Variants in KIRREL3 observed in about 807,000 individuals in gnomAD.
KIRREL3 encodes the protein kirre like nephrin family adhesion molecule 3.
KIRREL3 carries 36 observed loss-of-function variants against 89.7 expected under a neutral mutation model. That is an observed-to-expected ratio of 0.40 (90% confidence interval 0.31 to 0.53). The LOEUF is 0.53. Ranked by LOEUF, KIRREL3 falls within the 20% of genes least tolerant of loss-of-function variation. The probability of loss-of-function intolerance (pLI) is 0.49; values close to 1 mark genes in which losing one functional copy is unlikely to be tolerated. For synonymous variants in KIRREL3, 445 were observed against 441.4 expected (o/e 1.01, Z -0.10); for missense variants, 864 against 1,056.6 (o/e 0.82, Z 2.53).
chr11:126,573,323 C>T (rs1001392553), intron 1 of KIRREL3, among the ~76,000 whole-genome samples: 4 of 152,206 alleles, frequency 2.6e-5, no homozygotes, highest in Admixed American at 6.5e-5. Context: ...CTCCCTCACA[C>T]GTTTCCGCAG....
At position 126,485,910 on chromosome 11, in the gene KIRREL3, G is replaced by A. The variant is rs1957347417; in HGVS notation, c.434-12444C>T. ...TAGGCAGGAGACCCCAAGGGAGGGA[G>A]GGCTAGTCCAGTGGGCCAGGGAAAG... On this transcript the variant is annotated intron_variant, in intron 4 of 16. Transcript: ENST00000525144. The surrounding 1 kb of genome is among the most constrained non-coding windows in gnomAD (Gnocchi z 5.8). 6.6e-6 allele frequency among the ~76,000 whole-genome samples: 1 copy of A among 152,236 alleles called. No homozygotes were observed. The highest frequency in any genetic ancestry group is 6.5e-5 in the Admixed American group (1 of 15,288).
intron 1 of KIRREL3, among the ~76,000 whole-genome samples, chr11:126,937,655 C>T (rs996704913): frequency 1.3e-5 from 2 of 151,766 alleles, no homozygotes; most frequent in African/African-American, 4.8e-5. Flanking sequence ...AATCCCAGCA[C>T]TTTGGAGGCC....
At position 126,953,388 on chromosome 11, in the gene KIRREL3, G is replaced by T. The variant is rs189075378; in HGVS notation, c.55+47067C>A. ...AGGAGAAATACCTAACGTAGATGAG[G>T]AGTCGATGGGTGCAGCAAACCATCA... On this transcript the variant is annotated intron_variant, in intron 1 of 16. Coordinates refer to ENST00000525144, the MANE Select transcript of KIRREL3 (RefSeq NM_032531.4). This position sits in a 1 kb window ranked among gnomAD's most constrained non-coding sequence, Gnocchi z 5.2. Among the ~76,000 whole-genome samples the T allele has an allele frequency of 9.2e-5, 14 of 152,210 alleles. No homozygotes were observed. The highest frequency in any genetic ancestry group is 1.8e-4 in the Non-Finnish European group (12 of 68,018).
At chr11:126,692,146 T>C (rs1158057541) in intron 1 of KIRREL3, among the ~76,000 whole-genome samples, 3 of 152,208 alleles carry the variant, frequency 2.0e-5, no homozygotes, top group Non-Finnish European at 4.4e-5. Flanking sequence ...GACCACCATC[T>C]GATGCAGCAG....
At position 126,808,541 on chromosome 11, in the gene KIRREL3, A is replaced by G. The variant is rs1166625336; in HGVS notation, c.55+191914T>C. 6.6e-6 allele frequency among the ~76,000 whole-genome samples: 1 copy of G among 152,222 alleles called. No homozygotes were observed. Among genetic ancestry groups the G allele is most frequent in the Non-Finnish European group, 1.5e-5 (1 of 68,034 alleles). On this transcript the variant is annotated intron_variant, in intron 1 of 16. Transcript: ENST00000525144. This position sits in a 1 kb window ranked among gnomAD's most constrained non-coding sequence, Gnocchi z 4.1. ...CACAGGCTTACTGCAGGGCTATACAAAAAGGTATTTTATGTCCTTAGCCTT... is the reference window on the plus strand; with the variant it reads ...CACAGGCTTACTGCAGGGCTATACAGAAAGGTATTTTATGTCCTTAGCCTT...
chr11:126,472,435 T>TC (rs1956920880), intron 5 of KIRREL3, among the ~76,000 whole-genome samples: 1 of 152,160 alleles, frequency 6.6e-6, no homozygotes. Flanking sequence ...ACAAGGGGTC[T>TC]CCCTCAGGCC....
intron 4 of KIRREL3, among the ~76,000 whole-genome samples, chr11:126,502,680 G>A (rs987400543): frequency 2.0e-5 from 3 of 152,190 alleles, no homozygotes; most frequent in Non-Finnish European, 4.4e-5. Context: ...AGAGACTGGC[G>A]CAGACTTGGA....
At chr11:126,603,636 G>A (rs753107446) in intron 1 of KIRREL3, among the ~76,000 whole-genome samples, 30 of 152,244 alleles carry the variant, frequency 2.0e-4, no homozygotes, top group African/African-American at 4.8e-4. Flanking sequence ...CTGGAGCCAC[G>A]CCTCAGTGCC....
At chr11:126,810,414 G>A (rs1951342454) in intron 1 of KIRREL3, among the ~76,000 whole-genome samples, 1 of 152,122 alleles carries the variant, frequency 6.6e-6, no homozygotes, top group African/African-American at 2.4e-5. Flanking sequence ...GACTTGCTGG[G>A]AGGCCTTTCT....
At position 126,981,209 on chromosome 11, in the gene KIRREL3, T is replaced by C. The variant is rs904894810; in HGVS notation, c.55+19246A>G. The stretch of plus-strand genomic sequence containing the variant: ...GACAAAAGAAGGAAAGCATGGCCCG[T>C]TGGACCACAGCAAGACCTTCTTATT... On this transcript the variant is annotated intron_variant, in intron 1 of 16. Transcript: ENST00000525144. The surrounding 1 kb of genome is among the most constrained non-coding windows in gnomAD (Gnocchi z 4.2). Among the ~76,000 whole-genome samples, 5 of 152,212 alleles carry C rather than the reference T, an allele frequency of 3.3e-5. No homozygotes were observed. The highest frequency in any genetic ancestry group is 7.3e-5 in the Non-Finnish European group (5 of 68,042).
At chr11:126,472,344 C>A (rs144450509) in intron 5 of KIRREL3, among the ~76,000 whole-genome samples, 1 of 152,144 alleles carries the variant, frequency 6.6e-6, no homozygotes, top group Non-Finnish European at 1.5e-5. Context: ...CCAAGATCAA[C>A]GCAGATTTGT....
At chr11:126,488,249 G>A (rs544604741) in intron 4 of KIRREL3, among the ~76,000 whole-genome samples, 1 of 152,232 alleles carries the variant, frequency 6.6e-6, no homozygotes, top group Non-Finnish European at 1.5e-5. Flanking sequence ...GGCCACCCAG[G>A]CCCCTGCATC....
chr11:126,472,043 C>T (rs921432178), intron 5 of KIRREL3, among the ~76,000 whole-genome samples: 2 of 152,188 alleles, frequency 1.3e-5, no homozygotes, highest in African/African-American at 2.4e-5. Context: ...TAAACGGCTT[C>T]ACCTGGCAGC....
At chr11:126,539,127 T>C (rs902885534) in intron 2 of KIRREL3, among the ~76,000 whole-genome samples, 3 of 152,196 alleles carry the variant, frequency 2.0e-5, no homozygotes, top group African/African-American at 7.2e-5. Flanking sequence ...CCTCTGAGCC[T>C]CAGTTTCCCC....
intron 2 of KIRREL3, among the ~76,000 whole-genome samples, chr11:126,539,565 A>T (rs1938190561): frequency 1.3e-5 from 2 of 152,222 alleles, no homozygotes; most frequent in South Asian, 4.1e-4. Context: ...TGGATTTAGG[A>T]GCCATTTGGG....
chr11:126,947,723 G>A (rs1040184721), intron 1 of KIRREL3, among the ~76,000 whole-genome samples: 1 of 152,180 alleles, frequency 6.6e-6, no homozygotes, highest in Non-Finnish European at 1.5e-5. Flanking sequence ...GATTAAAAAG[G>A]GATCCCATGG....
At chr11:126,895,600 G>A (rs931157754) in intron 1 of KIRREL3, among the ~76,000 whole-genome samples, 2 of 152,100 alleles carry the variant, frequency 1.3e-5, no homozygotes, top group Admixed American at 1.3e-4. Flanking sequence ...CCTTTTAAGG[G>A]AACTGAAGGC....
rs1005512993 is a variant in KIRREL3, at chr11:126,704,255, C to T, written c.56-141343G>A. The stretch of plus-strand genomic sequence containing the variant: ...TGCATCATATCTGTTCATGTGCATG[C>T]ATGTGCACAGCTGTTCCCCTTAACT... On this transcript the variant is annotated intron_variant, in intron 1 of 16. Coordinates refer to ENST00000525144, the MANE Select transcript of KIRREL3 (RefSeq NM_032531.4). This position sits in a 1 kb window ranked among gnomAD's most constrained non-coding sequence, Gnocchi z 4.2. Among the ~76,000 whole-genome samples, 1 of 152,184 alleles carries T rather than the reference C, an allele frequency of 6.6e-6. No homozygotes were observed. Among genetic ancestry groups the T allele is most frequent in the Non-Finnish European group, 1.5e-5 (1 of 68,042 alleles).
At chr11:126,785,899 A>C (rs1285226191) in intron 1 of KIRREL3, among the ~76,000 whole-genome samples, 4 of 150,708 alleles carry the variant, frequency 2.7e-5, no homozygotes, top group Non-Finnish European at 4.4e-5. Context: ...AAAAAAAAAA[A>C]AAAGCCTACA....
Sources: allele counts gnomAD v4.1 joint callset (sites outside exome capture counted in the v4.1 genomes callset), GRCh38; gene constraint gnomAD v4.1.1; non-coding constraint Gnocchi (gnomAD v3.1); transcripts MANE v1.5; gene names NCBI Gene and HGNC (gene_info 2026-07-23, HGNC 2026-07-21).